ARNT: variants seen among roughly 807,000 people sequenced by gnomAD.
ARNT encodes the protein aryl hydrocarbon receptor nuclear translocator.
ARNT carries 30 observed loss-of-function variants against 105.0 expected under a neutral mutation model. The ratio of observed to expected loss-of-function variants is 0.29; its 90% confidence interval spans 0.21 to 0.39. The LOEUF (loss-of-function observed/expected upper bound fraction) is 0.39. Among genes scored for constraint, ARNT ranks in the 10% least tolerant of loss-of-function variants. The pLI is 1.00. For missense variants in ARNT, 748 were observed against 978.7 expected, an observed-to-expected ratio of 0.76 and a Z score of 3.15; for synonymous variants, 304 against 344.0, an observed-to-expected ratio of 0.88 and a Z score of 1.29.
intron 1 of ARNT, among the ~76,000 whole-genome samples, chr1:150,872,353 T>C (rs779823347): frequency 2.0e-4 from 30 of 152,212 alleles, no homozygotes; most frequent in Non-Finnish European, 2.5e-4. Flanking sequence ...ATTGTGTTAA[T>C]TGACGCAGTT....
At chr1:150,851,619 C>T (rs587597863) in intron 3 of ARNT, among the ~76,000 whole-genome samples, 4 of 152,250 alleles carry the variant, frequency 2.6e-5, no homozygotes, top group African/African-American at 4.8e-5. Context: ...GGATTAAGGG[C>T]GGTGCAAGAT....
chr1:150,847,522 T>C (rs1472719132), intron 3 of ARNT, among the ~76,000 whole-genome samples: 5 of 152,088 alleles, frequency 3.3e-5, no homozygotes, highest in Non-Finnish European at 7.4e-5. Flanking sequence ...TACGATAGTC[T>C]TTTTTTATGG....
chr1:150,817,988 G>T lies in ARNT; in HGVS notation c.1437C>A (p.Ile479=). ...CTGTGGGACCTAGTTGTGGCCTCTG[G>T]ATTGTGTTGGAGAGTGTAGGCCGTG... ...QEPRPTLSNT[I]QRPQLGPTAN... is the part of the protein sequence containing the mutation. The change falls in exon 15 of 22, where the codon ATC becomes ATA. Residue 479 remains isoleucine, a synonymous_variant. Coordinates refer to ENST00000358595, the MANE Select transcript of ARNT (RefSeq NM_001668.4). 1 of 1,613,600 alleles carries T rather than the reference G, an allele frequency of 6.2e-7. No individual in the cohort carries two copies. The highest frequency in any genetic ancestry group is 1.1e-5 in the South Asian group (1 of 90,966).
Position 150,816,410 on chromosome 1 carries a change from G to A in ARNT, c.1803-4C>T. On this transcript the variant is annotated splice_region_variant and splice_polypyrimidine_tract_variant and intron_variant, in intron 18 of 21. Coordinates refer to ENST00000358595, the MANE Select transcript of ARNT (RefSeq NM_001668.4). ...AGGAGGGGCTAGGCCACTATTCCTA[G>A]GAGTGAATAAATGAGGTAAAAGATT... is the stretch of plus-strand genomic sequence containing the variant. 6.2e-7 allele frequency: 1 copy of A among 1,602,254 alleles called. No homozygotes were observed. The highest frequency in any genetic ancestry group is 8.5e-7 in the Non-Finnish European group (1 of 1,176,672).
At chr1:150,828,906 A>G (rs1055799692) in intron 12 of ARNT, among the ~76,000 whole-genome samples, 187 bp downstream of exon 12, 1 of 152,252 alleles carries the variant, frequency 6.6e-6, no homozygotes, top group African/African-American at 2.4e-5. Flanking sequence ...TTGACAAGCC[A>G]TATTTCTCTA....
chr1:150,836,322 T>C lies in ARNT; in HGVS notation c.658A>G (p.Lys220Glu), dbSNP rs757766972. Residue 220 changes from lysine to glutamate, a missense_variant, in exon 7 of 22, where the codon AAA (lysine) becomes GAA (glutamate). Physicochemically the swap from Lys to Glu is moderately conservative, Grantham distance 56. Transcript: ENST00000358595. ...GAAGTGGAAAGCTGCTCACGAAGTTTATCCACATCATCTGGGTGCACCTGA... is the reference window on the plus strand; with the variant it reads ...GAAGTGGAAAGCTGCTCACGAAGTTCATCCACATCATCTGGGTGCACCTGA... ...YDQVHPDDVD[K>E]LREQLSTSEN... The C allele has an allele frequency of 2.5e-6, 4 of 1,614,198 alleles. No individual in the cohort carries two copies. In the South Asian group the frequency reaches 4.4e-5, roughly 18 times the overall value.
At chr1:150,838,752 C>T (rs778974362) in intron 6 of ARNT, among the ~76,000 whole-genome samples, 129 of 152,288 alleles carry the variant, frequency 8.5e-4, no homozygotes, top group Non-Finnish European at 1.6e-3. Context: ...CTTCCTTACC[C>T]TCAGAAGTCT....
chr1:150,839,513 G>A lies in ARNT; in HGVS notation c.414C>T (p.His138=). 6.2e-7 allele frequency: 1 copy of A among 1,614,228 alleles called. No individual in the cohort carries two copies. The highest frequency in any genetic ancestry group is 8.5e-7 in the Non-Finnish European group (1 of 1,180,038). ...TGCCAGTTCCCCGCAAGGACTTCATGTGAGAAACTGCCATGCGTAAGATGG... is the reference window on the plus strand; with the variant it reads ...TGCCAGTTCCCCGCAAGGACTTCATATGAGAAACTGCCATGCGTAAGATGG... ...KLTILRMAVS[H]MKSLRGTGNT... Residue 138 remains histidine (H), a synonymous_variant, in exon 6 of 22, where the codon CAC becomes CAT. Coordinates refer to ENST00000358595, the MANE Select transcript of ARNT (RefSeq NM_001668.4).
In ARNT at chr1:150,825,621, T is replaced by C. The variant is rs375654626; in HGVS notation, c.1242+922A>G. ...ATCCTAGCACCTTGGGAGGCTGAGG[T>C]GGGTGGATCACGAGGTCAGGAGATC... On this transcript the variant is annotated intron_variant, in intron 13 of 21. Transcript: ENST00000358595. 4.6e-5 allele frequency among the ~76,000 whole-genome samples: 7 copies of C among 152,036 alleles called. No individual in the cohort carries two copies. The East Asian group carries it at 5.8e-4, about 13-fold the overall frequency.
intron 3 of ARNT, among the ~76,000 whole-genome samples, chr1:150,850,045 C>G (rs587609342): frequency 2.2e-4 from 34 of 152,266 alleles, no homozygotes; most frequent in African/African-American, 7.7e-4. Flanking sequence ...GAGGAAGACT[C>G]TGTCTCAAAA....
intron 6 of ARNT, among the ~76,000 whole-genome samples, chr1:150,838,606 T>C (rs920040897): frequency 6.6e-6 from 1 of 152,264 alleles, no homozygotes; most frequent in African/African-American, 2.4e-5. Context: ...TTCTTTCTAA[T>C]CATTTGATTA....
chr1:150,857,773 C>A (rs1225878330), intron 2 of ARNT, among the ~76,000 whole-genome samples: 1 of 152,168 alleles, frequency 6.6e-6, no homozygotes, highest in Non-Finnish European at 1.5e-5. Context: ...CATATTCTAT[C>A]ATATATTCAT....
At chr1:150,869,633 C>G (rs925964045) in intron 1 of ARNT, among the ~76,000 whole-genome samples, 3 of 151,284 alleles carry the variant, frequency 2.0e-5, no homozygotes, top group Admixed American at 6.6e-5. Context: ...GCAGCCCTGA[C>G]CTAGCAAGCT....
rs772477454 is a variant in ARNT, at chr1:150,817,222, A to G, written c.1579-20T>C. On this transcript the variant is annotated intron_variant, in intron 16 of 21. Coordinates refer to ENST00000358595, the MANE Select transcript of ARNT (RefSeq NM_001668.4). ...AACCACCTGTGGAATACAATGATAA[A>G]AATAACCATTAAAGATTTAACATGA... The G allele has an allele frequency of 6.2e-7, 1 of 1,613,584 alleles. No individual in the cohort carries two copies. Among genetic ancestry groups the G allele is most frequent in the African/African-American group, 1.3e-5 (1 of 74,986 alleles).
intron 1 of ARNT, among the ~76,000 whole-genome samples, chr1:150,871,907 C>CAAAAAA (rs776523588): frequency 2.5e-5 from 1 of 40,088 alleles, no homozygotes; most frequent in African/African-American, 1.1e-4. Context: ...GACCCTGTCT[C>CAAAAAA]AAAAAAAAAA....
rs372833219 is a variant in ARNT, at chr1:150,831,846, T to C, written c.927A>G (p.Thr309=). 19 of 1,603,700 alleles carry C rather than the reference T, an allele frequency of 1.2e-5. No homozygotes were observed. The highest frequency in any genetic ancestry group is 1.6e-5 in the Non-Finnish European group (19 of 1,177,390). ...CTGGGGGCCAGGCCTTGATGTAGCC[T>C]GTGCAGTGGACCACCACGAAGTGAG... The part of the protein sequence containing the change: ...GEPHFVVVHC[T]GYIKAWPPAG... Residue 309 remains threonine (T), a synonymous_variant, in exon 10 of 22, where the codon ACA becomes ACG. Transcript: ENST00000358595.
At chr1:150,872,738 A>G (rs1667648247) in intron 1 of ARNT, among the ~76,000 whole-genome samples, 2 of 152,202 alleles carry the variant, frequency 1.3e-5, no homozygotes, top group Admixed American at 6.5e-5. Flanking sequence ...CAACGCAGGA[A>G]GATCACTTGA....
chr1:150,813,447 A>T, intron 20 of ARNT, 109 bp from the exon 21 acceptor site: 1 of 1,144,052 alleles, frequency 8.7e-7, no homozygotes, highest in Non-Finnish European at 1.2e-6. Context: ...ACCTAGGATA[A>T]CTCTGTCCTT....
intron 6 of ARNT, 51 bp from the exon 7 acceptor site, chr1:150,836,544 T>C (rs1221621529): frequency 6.5e-7 from 1 of 1,549,168 alleles, no homozygotes; most frequent in Admixed American, 1.9e-5. Context: ...AAAAAACAAG[T>C]ATTTCTATTC....
Sources: allele counts gnomAD v4.1 joint callset (sites outside exome capture counted in the v4.1 genomes callset), GRCh38; gene constraint gnomAD v4.1.1; transcripts MANE v1.5; gene names NCBI Gene and HGNC (gene_info 2026-07-23, HGNC 2026-07-21).